The following FRK variants were observed in gnomAD, a reference collection of about 807,000 sequenced individuals.
FRK encodes the protein tyrosine-protein kinase FRK.
A neutral mutation model predicts 56.4 loss-of-function variants in FRK; 51 were observed. That is an observed-to-expected ratio of 0.90 (90% CI 0.72 to 1.14). The LOEUF is 1.14. FRK is among the 50% of genes most tolerant of loss of function. The pLI is 0.00. For synonymous variants in FRK, 245 were observed against 217.9 expected, an observed-to-expected ratio of 1.12 and a Z score of -1.10; for missense variants, 570 against 601.4, an observed-to-expected ratio of 0.95 and a Z score of 0.55.
chr6:116,021,772 T>A (rs1001143400), intron 1 of FRK, among the ~76,000 whole-genome samples: 3 of 151,868 alleles, frequency 2.0e-5, no homozygotes, highest in Non-Finnish European at 2.9e-5. Context: ...TTTCAATCCA[T>A]GTTTTGAAAA....
chr6:116,030,949 C>T (rs531135499), intron 1 of FRK, among the ~76,000 whole-genome samples: 136 of 152,176 alleles, frequency 8.9e-4, no homozygotes, highest in African/African-American at 2.9e-3. Context: ...CAGTAGGATC[C>T]TTTACAAACA....
In FRK at chr6:116,059,969, G is replaced by C. The variant is rs1263489856; in HGVS notation, c.343C>G (p.Pro115Ala). Reference sequence around the variant, plus strand: ...TAAGTATAAGTTTGTACTACTCACGGCTCTGCCTGTAGGCTTCTGTCCTCA... The same window carrying C: ...TAAGTATAAGTTTGTACTACTCACGCCTCTGCCTGTAGGCTTCTGTCCTCA... Reference protein sequence around the residue: ...VAEDRSLQAEPWFFGAIGRSD... With the variant: ...VAEDRSLQAEAWFFGAIGRSD... Residue 115 changes from proline (P) to alanine (A), a missense_variant and splice_region_variant, in exon 1 of 8, where the codon CCG (proline) becomes GCG (alanine). Physicochemically the swap from Pro to Ala is conservative, Grantham distance 27. Coordinates refer to ENST00000606080, the MANE Select transcript of FRK (RefSeq NM_002031.3). The C allele has an allele frequency of 5.0e-6, 8 of 1,612,502 alleles. No homozygotes were observed. In the East Asian group the frequency reaches 1.6e-4, roughly 31 times the overall value.
chr6:115,993,006 A>T (rs941908912), intron 2 of FRK, among the ~76,000 whole-genome samples: 6 of 151,890 alleles, frequency 4.0e-5, no homozygotes, highest in African/African-American at 1.4e-4. Flanking sequence ...AATAAATAAT[A>T]TTGTTGTATC....
chr6:116,026,138 G>C (rs73770701), intron 1 of FRK, among the ~76,000 whole-genome samples: 6,943 of 152,158 alleles, frequency 0.046, 286 homozygotes, highest in African/African-American at 0.11. Context: ...ATAAAGCACA[G>C]AGAACAGGGG....
the FRK span, among the ~76,000 whole-genome samples, chr6:116,085,490 G>T: frequency 3.9e-5 from 6 of 152,354 alleles, no homozygotes; most frequent in South Asian, 1.2e-3. Context: ...GAAAGCAAAA[G>T]TGTTGAACTT....
chr6:115,994,955 A>T (rs1176108621), intron 2 of FRK, among the ~76,000 whole-genome samples: 1 of 152,106 alleles, frequency 6.6e-6, no homozygotes, highest in Non-Finnish European at 1.5e-5. Context: ...CACTTAGGAG[A>T]GCAGAAGCTG....
At chr6:115,945,591 C>G (rs1421771019) in intron 5 of FRK, among the ~76,000 whole-genome samples, 3 of 152,014 alleles carry the variant, frequency 2.0e-5, no homozygotes, top group African/African-American at 7.2e-5. Context: ...AGTCATTGAG[C>G]CTATAAAACA....
chr6:116,046,905 A>T (rs1270675313), intron 1 of FRK, among the ~76,000 whole-genome samples: 1 of 152,072 alleles, frequency 6.6e-6, no homozygotes, highest in African/African-American at 2.4e-5. Flanking sequence ...TTCAAGGTTT[A>T]TAATTAAATA....
chr6:116,049,436 GAA>G (rs1179756855), intron 1 of FRK, among the ~76,000 whole-genome samples: 1 of 152,160 alleles, frequency 6.6e-6, no homozygotes, highest in Non-Finnish European at 1.5e-5. Context: ...AATCTCAGGA[GAA>G]AATAGATAGT....
chr6:116,061,740 C>T (rs553744010), upstream of FRK, among the ~76,000 whole-genome samples: 1 of 152,268 alleles, frequency 6.6e-6, no homozygotes, highest in Non-Finnish European at 1.5e-5. Flanking sequence ...TAGTAGACAG[C>T]ATTGCAAACT....
chr6:116,043,219 A>T (rs1776796920), intron 1 of FRK, among the ~76,000 whole-genome samples: 2 of 152,206 alleles, frequency 1.3e-5, no homozygotes, highest in Admixed American at 6.5e-5. Context: ...ACTTGAACTC[A>T]TCTCTTGACC....
At chr6:115,979,635 C>T (rs1774125560) in intron 2 of FRK, among the ~76,000 whole-genome samples, 2 of 152,164 alleles carry the variant, frequency 1.3e-5, no homozygotes, top group Admixed American at 6.5e-5. Context: ...TTCACTGACA[C>T]ACCCAGGGTC....
intron 1 of FRK, among the ~76,000 whole-genome samples, chr6:116,004,873 T>C (rs906636083): frequency 3.9e-5 from 6 of 152,060 alleles, no homozygotes; most frequent in Non-Finnish European, 7.4e-5. Flanking sequence ...TGTAGGGCCA[T>C]AAAAATGGTC....
the FRK span, among the ~76,000 whole-genome samples, chr6:116,076,599 T>C: frequency 6.6e-6 from 1 of 152,224 alleles, no homozygotes; most frequent in Admixed American, 6.5e-5. Flanking sequence ...GATTGGTCAA[T>C]GACAGACATG....
chr6:116,002,510 G>T (rs1775102246), intron 2 of FRK, among the ~76,000 whole-genome samples: 1 of 152,106 alleles, frequency 6.6e-6, no homozygotes, highest in South Asian at 2.1e-4. Context: ...CCAGCTACTT[G>T]GTAGCCTGAT....
chr6:115,979,278 C>T (rs557397200), intron 2 of FRK, among the ~76,000 whole-genome samples: 1 of 152,082 alleles, frequency 6.6e-6, no homozygotes, highest in Admixed American at 6.6e-5. Flanking sequence ...GATCCTGACC[C>T]TGACTAGTCC....
chr6:116,058,193 A>G (rs1472423399), intron 1 of FRK, among the ~76,000 whole-genome samples: 1 of 152,202 alleles, frequency 6.6e-6, no homozygotes, highest in Non-Finnish European at 1.5e-5. Context: ...GCCATACAGG[A>G]CATAGAAATC....
At chr6:115,978,385 C>T (rs1774063599) in intron 2 of FRK, among the ~76,000 whole-genome samples, 2 of 152,012 alleles carry the variant, frequency 1.3e-5, no homozygotes, top group African/African-American at 2.4e-5. Context: ...GGAAATAAGA[C>T]AAAAGGTAAA....
chr6:116,003,857 A>G lies in FRK; in HGVS notation c.466+20T>C. On this transcript the variant is annotated intron_variant, in intron 2 of 7. Coordinates refer to ENST00000606080, the MANE Select transcript of FRK (RefSeq NM_002031.3). ...CAGACTCTCAAGCTCATATTGAATG[A>G]CACAAAACAATACCCTTACCTGAAA... is the stretch of plus-strand genomic sequence containing the variant. 6.2e-7 allele frequency: 1 copy of G among 1,612,670 alleles called. No individual in the cohort carries two copies. The highest frequency in any genetic ancestry group is 8.5e-7 in the Non-Finnish European group (1 of 1,179,568).
Sources: allele counts gnomAD v4.1 joint callset (sites outside exome capture counted in the v4.1 genomes callset), GRCh38; gene constraint gnomAD v4.1.1; transcripts MANE v1.5; gene names NCBI Gene and HGNC (gene_info 2026-07-23, HGNC 2026-07-21).